CEP112: variants seen among roughly 807,000 people sequenced by gnomAD.
The protein encoded by CEP112 is centrosomal protein of 112 kDa.
A neutral mutation model predicts 153.0 loss-of-function variants in CEP112; 127 were observed. The observed-to-expected ratio is 0.83, with a 90% CI of 0.72 to 0.96. The LOEUF (loss-of-function observed/expected upper bound fraction) is 0.96. Among genes scored for constraint, CEP112 ranks in the 40% least tolerant of loss-of-function variants. The pLI, the probability that CEP112 is intolerant of heterozygous loss-of-function variation, is 0.00. For missense variants in CEP112, 1,089 were observed against 1,101.2 expected, an observed-to-expected ratio of 0.99 and a Z score of 0.16; for synonymous variants, 358 against 374.4, an observed-to-expected ratio of 0.96 and a Z score of 0.51.
chr17:66,020,385 CTT>C (rs1233799082), intron 16 of CEP112, among the ~76,000 whole-genome samples: 1 of 152,168 alleles, frequency 6.6e-6, no homozygotes, highest in Admixed American at 6.5e-5. Flanking sequence ...GCTAGAAACA[CTT>C]TTCCAAATGA....
chr17:65,837,593 C>A (rs2146189561), intron 21 of CEP112, among the ~76,000 whole-genome samples: 1 of 152,238 alleles, frequency 6.6e-6, no homozygotes, highest in South Asian at 2.1e-4. Context: ...GAGGTGTACC[C>A]AACAGCTCAT....
chr17:65,700,547 T>G (rs772958393), intron 23 of CEP112, among the ~76,000 whole-genome samples: 2 of 152,016 alleles, frequency 1.3e-5, no homozygotes, highest in Non-Finnish European at 2.9e-5. Context: ...GCAATGCTTG[T>G]TGGCTACACC....
chr17:65,693,722 C>G (rs2048229508), intron 23 of CEP112, among the ~76,000 whole-genome samples: 1 of 152,142 alleles, frequency 6.6e-6, no homozygotes, highest in African/African-American at 2.4e-5. Flanking sequence ...GGAACTATTG[C>G]TAGACTCCAA....
In CEP112 at chr17:65,651,180, C is replaced by T. The variant is rs150255858; in HGVS notation, c.2698-10115G>A. On this transcript the variant is annotated intron_variant, in intron 24 of 26. Transcript: ENST00000535342. ...CTTAGCTCCCACTTACGAGTGAGAACATATGGTGTTTAGTTTTCCATCCCT... is the reference window on the plus strand; with the variant it reads ...CTTAGCTCCCACTTACGAGTGAGAATATATGGTGTTTAGTTTTCCATCCCT... Among the ~76,000 whole-genome samples, 241 of 152,248 alleles carry T rather than the reference C, an allele frequency of 1.6e-3. 2 individuals are homozygous for T. The highest frequency in any genetic ancestry group is 5.7e-3 in the African/African-American group (235 of 41,522).
chr17:65,976,305 C>T (rs2063031041), intron 17 of CEP112, among the ~76,000 whole-genome samples: 1 of 152,218 alleles, frequency 6.6e-6, no homozygotes, highest in Non-Finnish European at 1.5e-5. Context: ...CTTCTATCTT[C>T]CTGAATGTGT....
chr17:66,179,885 G>T (rs1174984883), intron 2 of CEP112, among the ~76,000 whole-genome samples: 1 of 151,902 alleles, frequency 6.6e-6, no homozygotes, highest in Admixed American at 6.6e-5. Context: ...TTTTTTTAGG[G>T]TTTTTATCAT....
chr17:66,127,045 TG>T, intron 6 of CEP112, among the ~76,000 whole-genome samples: 1 of 152,312 alleles, frequency 6.6e-6, no homozygotes, highest in South Asian at 2.1e-4. Context: ...AATGCCTATA[TG>T]GTACAAATAT....
intron 21 of CEP112, among the ~76,000 whole-genome samples, chr17:65,765,978 A>G (rs758054958): frequency 2.0e-5 from 3 of 152,048 alleles, no homozygotes; most frequent in Non-Finnish European, 4.4e-5. Flanking sequence ...CCACCAAAGA[A>G]CACAATAATT....
intron 21 of CEP112, among the ~76,000 whole-genome samples, chr17:65,807,387 G>A (rs2055670443): frequency 6.6e-6 from 1 of 152,156 alleles, no homozygotes; most frequent in Non-Finnish European, 1.5e-5. Context: ...CTGACCATGT[G>A]GTAGAAAAGA....
rs1023134718 is a variant in CEP112, at chr17:65,979,323, C to G, written c.1737-17725G>C. 3.3e-5 allele frequency among the ~76,000 whole-genome samples: 5 copies of G among 152,008 alleles called. No individual in the cohort carries two copies. In the South Asian group the frequency reaches 6.2e-4, roughly 19 times the overall value. On this transcript the variant is annotated intron_variant, in intron 17 of 26. Transcript: ENST00000535342. Reference sequence around the variant, plus strand: ...TGCAGTGGCAATCAGTTCACTATAACCTCAAACTCCTGCAATCCTCCCACC... The same window carrying G: ...TGCAGTGGCAATCAGTTCACTATAAGCTCAAACTCCTGCAATCCTCCCACC...
At chr17:65,650,747 A>AT (rs2045717209) in intron 24 of CEP112, among the ~76,000 whole-genome samples, 1 of 150,934 alleles carries the variant, frequency 6.6e-6, no homozygotes, top group South Asian at 2.1e-4. Context: ...AAAAAAAAAA[A>AT]AAAAAAAAAA....
At chr17:66,034,699 A>C (rs969903600) in intron 12 of CEP112, among the ~76,000 whole-genome samples, 2 of 152,094 alleles carry the variant, frequency 1.3e-5, no homozygotes, top group Non-Finnish European at 2.9e-5. Context: ...CCAACAAATC[A>C]GAGAAGAAAA....
chr17:65,640,411 C>G (rs892256750), intron 25 of CEP112, among the ~76,000 whole-genome samples: 2 of 152,062 alleles, frequency 1.3e-5, no homozygotes, highest in African/African-American at 4.8e-5. Flanking sequence ...GCCTCGGCCT[C>G]CCAAAGTGAC....
At chr17:65,667,898 C>CT (rs5821584) in intron 24 of CEP112, among the ~76,000 whole-genome samples, 115 of 140,402 alleles carry the variant, frequency 8.2e-4, no homozygotes, top group Non-Finnish European at 8.2e-4. Context: ...CCCTTGGGCA[C>CT]TTTTTTTTTT....
chr17:65,704,936 C>T (rs1273980203), intron 23 of CEP112, among the ~76,000 whole-genome samples: 4 of 152,180 alleles, frequency 2.6e-5, no homozygotes, highest in Non-Finnish European at 5.9e-5. Context: ...TATCATGCAA[C>T]CTTTTGAAGT....
At chr17:66,045,790 GAGC>G (rs1452844148) in intron 12 of CEP112, among the ~76,000 whole-genome samples, 1 of 152,180 alleles carries the variant, frequency 6.6e-6, no homozygotes, top group African/African-American at 2.4e-5. Context: ...CAGTGGCTTA[GAGC>G]AGCAGTTCTC....
chr17:65,849,920 G>T (rs1230463487), intron 21 of CEP112, among the ~76,000 whole-genome samples: 1 of 152,134 alleles, frequency 6.6e-6, no homozygotes, highest in South Asian at 2.1e-4. Context: ...TTGGGAGGTC[G>T]AGTTGGGTGG....
Position 65,635,949 on chromosome 17 carries a change from T to C in CEP112, c.*22A>G, listed in dbSNP as rs2044744517. 8 of 1,598,686 alleles carry C rather than the reference T, an allele frequency of 5.0e-6. No individual in the cohort carries two copies. Among genetic ancestry groups the C allele is most frequent in the Non-Finnish European group, 6.8e-6 (8 of 1,170,940 alleles). ...TCCACAGCACAGCCTGGAAATTGCATCCGTTGCATTCTCTCGTGCAGTTAC... is the reference window on the plus strand; with the variant it reads ...TCCACAGCACAGCCTGGAAATTGCACCCGTTGCATTCTCTCGTGCAGTTAC... On this transcript the variant is annotated 3_prime_UTR_variant, in exon 27 of 27. Transcript: ENST00000535342.
At chr17:65,826,000 A>T in intron 21 of CEP112, 1 of 789,426 alleles carries the variant, frequency 1.3e-6, no homozygotes. Flanking sequence ...ATGTGATTGC[A>T]GTTTGTTCCA....
Sources: allele counts gnomAD v4.1 joint callset (sites outside exome capture counted in the v4.1 genomes callset), GRCh38; gene constraint gnomAD v4.1.1; transcripts MANE v1.5; gene names NCBI Gene and HGNC (gene_info 2026-07-23, HGNC 2026-07-21).